STK4: variants seen among roughly 807,000 people sequenced by gnomAD.
The protein encoded by STK4 is serine/threonine kinase 4.
Under a neutral mutation model 64.9 loss-of-function variants are expected in STK4, and 30 were observed. The ratio of observed to expected loss-of-function variants is 0.46; its 90% CI spans 0.35 to 0.63. The LOEUF (loss-of-function observed/expected upper bound fraction) is 0.63, where lower values mean the gene tolerates loss of function less well. Among genes scored for constraint, STK4 ranks in the 20% least tolerant of loss-of-function variants. The pLI is 0.01. For missense variants in STK4, 466 were observed against 598.5 expected (o/e 0.78, Z 2.31); for synonymous variants, 177 against 199.0 (o/e 0.89, Z 0.93).
chr20:45,010,188 C>A (rs956010070), intron 9 of STK4, among the ~76,000 whole-genome samples: 1 of 152,066 alleles, frequency 6.6e-6, no homozygotes, highest in Non-Finnish European at 1.5e-5. Flanking sequence ...CCTGTCTCAG[C>A]CTCCTGAGAT....
intron 5 of STK4, among the ~76,000 whole-genome samples, chr20:44,988,533 G>GTGTGTGTGTA (rs1221720136): frequency 3.7e-4 from 38 of 101,580 alleles, no homozygotes; most frequent in African/African-American, 1.6e-3. Context: ...ATGTGTGTGT[G>GTGTGTGTGTA]TATATATATA....
At chr20:44,987,716 C>T (rs2067554984) in intron 5 of STK4, among the ~76,000 whole-genome samples, 1 of 151,630 alleles carries the variant, frequency 6.6e-6, no homozygotes, top group Non-Finnish European at 1.5e-5. Flanking sequence ...GTCCAGGATA[C>T]AGTCTCTTGA....
At chr20:45,041,769 C>G (rs1203221787) in intron 10 of STK4, among the ~76,000 whole-genome samples, 2 of 151,814 alleles carry the variant, frequency 1.3e-5, no homozygotes, top group Non-Finnish European at 2.9e-5. Context: ...TATAAAGCAG[C>G]CCCTAAGACT....
At chr20:45,048,663 G>A (rs2068732119) in intron 10 of STK4, among the ~76,000 whole-genome samples, 1 of 151,970 alleles carries the variant, frequency 6.6e-6, no homozygotes, top group Non-Finnish European at 1.5e-5. Context: ...TGTATTTTTA[G>A]TAGAGACGGG....
intron 2 of STK4, chr20:44,973,572 T>G (rs985557993): frequency 2.0e-5 from 3 of 152,246 alleles, no homozygotes; most frequent in Non-Finnish European, 2.9e-5. Context: ...TAGAATAAGT[T>G]CAAGACTGAT....
At chr20:45,034,851 A>T (rs1041547197) in intron 10 of STK4, among the ~76,000 whole-genome samples, 1 of 152,126 alleles carries the variant, frequency 6.6e-6, no homozygotes, top group Admixed American at 6.6e-5. Context: ...CAGGAGTTCG[A>T]GGCTGCAGTG....
chr20:45,063,088 C>T (rs1368901401), intron 10 of STK4, among the ~76,000 whole-genome samples: 4 of 140,760 alleles, frequency 2.8e-5, no homozygotes, highest in Non-Finnish European at 4.5e-5. Context: ...ACTGCAGCCT[C>T]GACCTCCTGG....
chr20:45,008,878 G>T (rs889995835), intron 9 of STK4, among the ~76,000 whole-genome samples: 1 of 151,958 alleles, frequency 6.6e-6, no homozygotes, highest in Non-Finnish European at 1.5e-5. Context: ...TTTTTTAATG[G>T]AATTGTTTTT....
intron 10 of STK4, among the ~76,000 whole-genome samples, chr20:45,057,506 C>T (rs1978589339): frequency 6.6e-6 from 1 of 152,096 alleles, no homozygotes; most frequent in Non-Finnish European, 1.5e-5. Flanking sequence ...TGTTTATAGA[C>T]AAATAGAACT....
At chr20:45,017,129 CTA>C (rs1237305445) in intron 9 of STK4, among the ~76,000 whole-genome samples, 3 of 152,102 alleles carry the variant, frequency 2.0e-5, no homozygotes, top group African/African-American at 7.2e-5. Context: ...TAAATAGTCA[CTA>C]TGTGTCATTA....
Position 44,981,962 on chromosome 20 carries a change from A to T in STK4, c.360+19A>T, listed in dbSNP as rs778427983. On this transcript the variant is annotated intron_variant, in intron 4 of 10. Transcript: ENST00000372806. ...TAAAACGGTAGGTTTACCTTCTAGA[A>T]CATGCAACTGAGCTAGTTTCTTATG... 6.6e-7 allele frequency: 1 copy of T among 1,526,488 alleles called. No individual in the cohort carries two copies. The highest frequency in any genetic ancestry group is 1.7e-5 in the Admixed American group (1 of 59,870). 94.6% of individuals were successfully genotyped at this position (1,526,488 alleles called of 1,614,324 possible). A position where few individuals can be genotyped will look rare whatever the true frequency, so the allele number is the denominator to read the frequency against.
intron 5 of STK4, among the ~76,000 whole-genome samples, chr20:44,991,114 G>A (rs2145674806): frequency 6.6e-6 from 1 of 152,168 alleles, no homozygotes; most frequent in East Asian, 1.9e-4. Flanking sequence ...AGTGAGTTTT[G>A]AGAGATAGTG....
rs1190372330 is a variant in STK4 at position 44,986,885 on chromosome 20, C to CA, written c.361-246dup. Among the ~76,000 whole-genome samples, 11 of 152,142 alleles carry CA rather than the reference C, an allele frequency of 7.2e-5. No individual in the cohort carries two copies. The South Asian group carries it at 1.7e-3, about 23-fold the overall frequency. On this transcript the variant is annotated intron_variant, in intron 4 of 10. Coordinates refer to ENST00000372806, the MANE Select transcript of STK4 (RefSeq NM_006282.5). Reference sequence around the variant, plus strand: ...TGATAGACATAGAGTTTGATTTTGACATGTTATGCTTATGATGCTGGCTAG... The same window carrying CA: ...TGATAGACATAGAGTTTGATTTTGACAATGTTATGCTTATGATGCTGGCTAG...
At position 45,046,007 on chromosome 20, in the gene STK4, A is replaced by G. The variant is rs545477126; in HGVS notation, c.1305+20877A>G. Among the ~76,000 whole-genome samples, 600 of 152,058 alleles carry G rather than the reference A, an allele frequency of 3.9e-3. 3 individuals are homozygous for G. The highest frequency in any genetic ancestry group is 0.023 in the South Asian group (110 of 4,822). On this transcript the variant is annotated intron_variant, in intron 10 of 10. Coordinates refer to ENST00000372806, the MANE Select transcript of STK4 (RefSeq NM_006282.5). ...TTTTTAGTAGAGATGGGGTTTCACC[A>G]TGTTGGCCGGGCCAGTCACAAACTC... is the stretch of plus-strand genomic sequence containing the variant.
rs1221720136 is a variant in STK4 at position 44,988,533 on chromosome 20, G to GTGTATA, written c.525+1238_525+1239insGTATAT. ...TGTGTGTGTATATATATGTGTGTGT[G>GTGTATA]TATATATATATATATATATATATAT... On this transcript the variant is annotated intron_variant, in intron 5 of 10. Coordinates refer to ENST00000372806, the MANE Select transcript of STK4 (RefSeq NM_006282.5). 3.4e-3 allele frequency among the ~76,000 whole-genome samples: 347 copies of GTGTATA among 101,530 alleles called. 4 individuals are homozygous for GTGTATA. The highest frequency in any genetic ancestry group is 8.6e-3 in the African/African-American group (181 of 21,010). The allele number at this position is 101,530 out of a possible 152,430, so 66.6% of individuals were successfully genotyped here. A position where few individuals can be genotyped will look rare whatever the true frequency, so the allele number is the denominator to read the frequency against.
rs76223646 is a variant in STK4 at position 45,028,780 on chromosome 20, G to A, written c.1305+3650G>A. Among the ~76,000 whole-genome samples the A allele has an allele frequency of 1.5e-4, 23 of 152,262 alleles. No individual in the cohort carries two copies. The East Asian group carries it at 3.1e-3, about 20-fold the overall frequency. ...TTATTCTTGGATCAGTAGTTTCAAC[G>A]TGTAAAGAATTTATTTCTCTTTGCC... On this transcript the variant is annotated intron_variant, in intron 10 of 10. Transcript: ENST00000372806.
chr20:44,974,549 C>G (rs1342298176), intron 2 of STK4: 1 of 152,296 alleles, frequency 6.6e-6, no homozygotes, highest in African/African-American at 2.4e-5. Context: ...CGGCTCACTG[C>G]AACCTCCGCC....
chr20:44,987,373 A>T, intron 5 of STK4, 77 bp downstream of exon 5: 3 of 1,359,254 alleles, frequency 2.2e-6, no homozygotes, highest in Non-Finnish European at 3.0e-6. Flanking sequence ...ACCTATTTTT[A>T]AAATATAATA....
intron 9 of STK4, among the ~76,000 whole-genome samples, chr20:45,023,895 CTTTTTTTTTTTT>C (rs752584355): frequency 1.8e-5 from 2 of 111,322 alleles, no homozygotes; most frequent in Admixed American, 9.8e-5. Context: ...ATACTAACTT[CTTTTTTTTTTTT>C]TTTTTTTTTT....
Sources: gnomAD v4.1 joint callset for allele counts (sites outside exome capture counted in the v4.1 genomes callset) on GRCh38, gnomAD v4.1.1 for gene constraint, MANE v1.5 for transcripts, NCBI Gene and HGNC (gene_info 2026-07-23, HGNC 2026-07-21) for gene names.